The following TRIM16 variants were observed in gnomAD, a reference collection of about 807,000 sequenced individuals.
TRIM16 encodes tripartite motif-containing protein 16.
In TRIM16, 33 loss-of-function variants were observed where a neutral mutation model predicts 50.4. The ratio of observed to expected loss-of-function variants is 0.65; its 90% CI spans 0.50 to 0.88. The LOEUF (loss-of-function observed/expected upper bound fraction) is 0.88, where lower values mean the gene tolerates loss of function less well. TRIM16 is among the 40% of genes least tolerant of loss of function. TRIM16 has a pLI of 0.00. For synonymous variants in TRIM16, 229 were observed against 270.7 expected (o/e 0.85, Z 1.51); for missense variants, 581 against 686.8 (o/e 0.85, Z 1.72).
chr17:15,655,963 T>C (rs193140315), intron 6 of TRIM16, among the ~76,000 whole-genome samples: 7 of 152,286 alleles, frequency 4.6e-5, no homozygotes. Flanking sequence ...AGTTTGGCCC[T>C]CTGAGGAATT....
intron 8 of TRIM16, among the ~76,000 whole-genome samples, chr17:15,639,536 A>G (rs1987021526): frequency 6.7e-6 from 1 of 148,452 alleles, no homozygotes; most frequent in African/African-American, 2.5e-5. Context: ...GACGGTGTTG[A>G]GAAGCCAGGG....
In TRIM16 at chr17:15,647,360, G is replaced by A. The variant is rs1380257926; in HGVS notation, c.519+3731C>T. Reference sequence around the variant, plus strand: ...AGGCTGTGAGTGATGCCAGTTAACCGCTCCCCAGATGAGCGTGGATACTTT... The same window carrying A: ...AGGCTGTGAGTGATGCCAGTTAACCACTCCCCAGATGAGCGTGGATACTTT... On this transcript the variant is annotated intron_variant, in intron 7 of 11. Transcript: ENST00000649191. 9.2e-4 allele frequency among the ~76,000 whole-genome samples: 140 copies of A among 152,326 alleles called. 1 individual carries two copies. Among genetic ancestry groups the A allele is most frequent in the African/African-American group, 3.0e-3 (124 of 41,546 alleles).
intron 3 of TRIM16, among the ~76,000 whole-genome samples, chr17:15,681,665 T>C (rs1162789179): frequency 2.0e-5 from 3 of 152,234 alleles, no homozygotes; most frequent in African/African-American, 7.2e-5. Flanking sequence ...TTTTTTTGCC[T>C]GTAGGGAGAG....
At chr17:15,630,838 T>C (rs1986380440) in intron 11 of TRIM16, among the ~76,000 whole-genome samples, 2 of 150,188 alleles carry the variant, frequency 1.3e-5, no homozygotes, top group Non-Finnish European at 3.0e-5. Flanking sequence ...TACATACATA[T>C]ATATATGTCT....
chr17:15,650,858 C>T (rs761872699), intron 7 of TRIM16, among the ~76,000 whole-genome samples: 4 of 152,156 alleles, frequency 2.6e-5, no homozygotes, highest in Admixed American at 2.6e-4. Flanking sequence ...AGACAGAGAT[C>T]GCACAGAGAC....
At chr17:15,642,478 A>G (rs1203661857) in intron 8 of TRIM16, among the ~76,000 whole-genome samples, 1 of 148,754 alleles carries the variant, frequency 6.7e-6, no homozygotes, top group Non-Finnish European at 1.5e-5. Flanking sequence ...GAATGTTGTT[A>G]TTACAGGATT....
intron 7 of TRIM16, among the ~76,000 whole-genome samples, chr17:15,645,258 G>A (rs1246286120): frequency 6.6e-6 from 1 of 152,168 alleles, no homozygotes; most frequent in Non-Finnish European, 1.5e-5. Context: ...TATAGTACCA[G>A]GGACATTATT....
At chr17:15,674,797 G>A (rs1000656890) in intron 6 of TRIM16, among the ~76,000 whole-genome samples, 1 of 152,106 alleles carries the variant, frequency 6.6e-6, no homozygotes, top group African/African-American at 2.4e-5. Context: ...TTGACATCTG[G>A]CCTATTAACT....
At chr17:15,649,557 A>T (rs1001531851) in intron 7 of TRIM16, among the ~76,000 whole-genome samples, 5 of 152,174 alleles carry the variant, frequency 3.3e-5, no homozygotes, top group Admixed American at 1.3e-4. Context: ...AAGTGCTGGG[A>T]TTACAGGTGT....
intron 6 of TRIM16, among the ~76,000 whole-genome samples, chr17:15,675,822 TATA>T (rs1394279329): frequency 1.4e-5 from 2 of 147,808 alleles, no homozygotes; most frequent in Non-Finnish European, 3.0e-5. Context: ...TATTTGCATA[TATA>T]ATATAAAAAT....
chr17:15,682,797 G>C, intron 3 of TRIM16, 57 bp downstream of exon 3: 1 of 1,361,954 alleles, frequency 7.3e-7, no homozygotes, highest in Non-Finnish European at 9.5e-7. Flanking sequence ...TCTTTTTTCA[G>C]AGTTTCAAAT....
At chr17:15,648,587 A>G (rs1413314059) in intron 7 of TRIM16, among the ~76,000 whole-genome samples, 2 of 152,182 alleles carry the variant, frequency 1.3e-5, no homozygotes, top group Non-Finnish European at 2.9e-5. Context: ...AGCCCTTCGC[A>G]TGACCCAAAG....
chr17:15,639,814 A>G (rs1424107173), intron 8 of TRIM16, among the ~76,000 whole-genome samples: 1 of 148,984 alleles, frequency 6.7e-6, no homozygotes, highest in Non-Finnish European at 1.5e-5. Context: ...AGGCCCCCCA[A>G]GTGGCAAACC....
intron 8 of TRIM16, among the ~76,000 whole-genome samples, chr17:15,638,838 A>T (rs1597613222): frequency 1.4e-5 from 2 of 145,782 alleles, no homozygotes; most frequent in Admixed American, 1.4e-4. Context: ...AGATGGGAAG[A>T]AAAAATGATG....
Position 15,636,095 on chromosome 17 carries a change from T to C in TRIM16, c.790A>G (p.Lys264Glu). The change falls in exon 9 of 12, where the codon AAG becomes GAG. Residue 264 changes from lysine (K) to glutamate (E), a missense_variant. By Grantham distance (56) the Lys-to-Glu change is moderately conservative. Transcript: ENST00000649191. ...HLEYRSAEME[K>E]SKQELERMAA... ...ATCCTCTCCAGCTCCTGCTTGCTCT[T>C]CTCCATCTCGGCACTCCTGTACTCC... The C allele has an allele frequency of 6.2e-7, 1 of 1,609,410 alleles. No individual in the cohort carries two copies. Among genetic ancestry groups the C allele is most frequent in the Non-Finnish European group, 8.5e-7 (1 of 1,178,734 alleles).
chr17:15,659,058 C>T (rs567064058), intron 6 of TRIM16, among the ~76,000 whole-genome samples: 1 of 152,228 alleles, frequency 6.6e-6, no homozygotes, highest in African/African-American at 2.4e-5. Context: ...CAGGGCACTG[C>T]GTGTACCTTC....
chr17:15,659,693 A>T (rs981670705), intron 6 of TRIM16, among the ~76,000 whole-genome samples: 1 of 152,188 alleles, frequency 6.6e-6, no homozygotes, highest in Non-Finnish European at 1.5e-5. Context: ...ATCTGTAACA[A>T]ATGTTCTCTT....
chr17:15,652,149 T>TA, intron 6 of TRIM16: 5 of 172,014 alleles, frequency 2.9e-5, no homozygotes, highest in Non-Finnish European at 5.4e-5. Flanking sequence ...TCTTTTCTTT[T>TA]CTTTTTTTTT....
intron 6 of TRIM16, among the ~76,000 whole-genome samples, chr17:15,676,431 CTTT>C (rs57392285): frequency 9.9e-4 from 125 of 125,706 alleles, no homozygotes; most frequent in East Asian, 3.9e-3. Context: ...AGAATTTTTT[CTTT>C]TTTTTTTTTT....
Sources: gnomAD v4.1 joint callset for allele counts (sites outside exome capture counted in the v4.1 genomes callset) on GRCh38, gnomAD v4.1.1 for gene constraint, MANE v1.5 for transcripts, NCBI Gene and HGNC (gene_info 2026-07-23, HGNC 2026-07-21) for gene names.